Variants in L3MBTL3 observed in about 807,000 individuals in gnomAD.
L3MBTL3 encodes L3MBTL histone methyl-lysine binding protein 3.
Under a neutral mutation model 102.3 loss-of-function variants are expected in L3MBTL3, and 27 were observed. The observed-to-expected ratio is 0.26, with a 90% confidence interval of 0.19 to 0.36. L3MBTL3 has a LOEUF of 0.36. Among genes scored for constraint, L3MBTL3 ranks in the 10% least tolerant of loss-of-function variants. The probability of loss-of-function intolerance (pLI) is 1.00; values close to 1 mark genes in which losing one functional copy is unlikely to be tolerated. For missense variants in L3MBTL3, 798 were observed against 955.3 expected (o/e 0.84, Z 2.17); for synonymous variants, 340 against 320.9 (o/e 1.06, Z -0.64).
At chr6:130,079,349 T>C (rs1783164171) in intron 14 of L3MBTL3, among the ~76,000 whole-genome samples, 2 of 152,220 alleles carry the variant, frequency 1.3e-5, no homozygotes, top group South Asian at 4.1e-4. Flanking sequence ...CCTCTAGTCA[T>C]AGAGCCTTCT....
At chr6:130,044,943 G>A (rs559581279) in intron 3 of L3MBTL3, among the ~76,000 whole-genome samples, 1 of 152,210 alleles carries the variant, frequency 6.6e-6, no homozygotes, top group African/African-American at 2.4e-5. Flanking sequence ...CTATGTTTCA[G>A]TGGGTAGAGG....
At chr6:130,123,106 T>C (rs372767445) in intron 20 of L3MBTL3, among the ~76,000 whole-genome samples, 3 of 152,244 alleles carry the variant, frequency 2.0e-5, no homozygotes, top group African/African-American at 7.2e-5. Flanking sequence ...TATTTAACTT[T>C]CCATTTTATT....
At chr6:130,113,901 T>A (rs1310372454) in intron 19 of L3MBTL3, among the ~76,000 whole-genome samples, 2 of 152,220 alleles carry the variant, frequency 1.3e-5, no homozygotes, top group Non-Finnish European at 2.9e-5. Context: ...TCAAATAGAA[T>A]AAAATCAATT....
Position 130,053,077 on chromosome 6 carries a change from C to G in L3MBTL3, c.582+86C>G, listed in dbSNP as rs1781208795. 19 of 1,059,156 alleles carry G rather than the reference C, an allele frequency of 1.8e-5. No homozygotes were observed. In the Admixed American group the frequency reaches 3.7e-4, roughly 21 times the overall value. 65.6% of individuals were successfully genotyped at this position (1,059,156 alleles called of 1,614,324 possible). On this transcript the variant is annotated intron_variant, in intron 7 of 22. Coordinates refer to ENST00000361794, the MANE Select transcript of L3MBTL3 (RefSeq NM_032438.4). ...GTCACAAGCACTGCTCTGGAGCCCA[C>G]TGAGTTCAAATGTGGGTTCCAGGAC... is the stretch of plus-strand genomic sequence containing the variant.
chr6:130,137,452 T>C (rs560301492), intron 22 of L3MBTL3, among the ~76,000 whole-genome samples: 2 of 152,236 alleles, frequency 1.3e-5, no homozygotes, highest in Non-Finnish European at 2.9e-5. Context: ...CTTGTTTGTA[T>C]GGCCACATGT....
intron 13 of L3MBTL3, among the ~76,000 whole-genome samples, chr6:130,075,225 A>G (rs1562289203): frequency 6.6e-6 from 1 of 152,036 alleles, no homozygotes. Context: ...GTTATTGCTT[A>G]ATTTTTAGAA....
intron 2 of L3MBTL3, among the ~76,000 whole-genome samples, chr6:130,036,323 A>G (rs1780060599): frequency 6.6e-6 from 1 of 152,198 alleles, no homozygotes; most frequent in Non-Finnish European, 1.5e-5. Flanking sequence ...GTAATAATGA[A>G]AGTACCCATA....
rs1788104117 is a variant in L3MBTL3, at chr6:130,139,746, A to G, written c.2336A>G (p.Glu779Gly). Reference sequence around the variant, plus strand: ...GCTGCAGAGAAGAATTCTCACAATGAACTTTGAAGATGGTGAATTCTGAAT... The same window carrying G: ...GCTGCAGAGAAGAATTCTCACAATGGACTTTGAAGATGGTGAATTCTGAAT... ...FKAAEKNSHN[E>G]L The change falls in exon 23 of 23, where the codon GAA (glutamate) becomes GGA (glycine). Residue 779 changes from glutamate (E) to glycine (G), a missense_variant. By Grantham distance (98) the Glu-to-Gly change is moderately conservative (BLOSUM62 -2). This residue lies in a region of L3MBTL3 where 48 missense variants were observed against 107.0 expected (regional missense o/e 0.45). Coordinates refer to ENST00000361794, the MANE Select transcript of L3MBTL3 (RefSeq NM_032438.4). The G allele has an allele frequency of 6.2e-7, 1 of 1,612,898 alleles. No individual in the cohort carries two copies. The highest frequency in any genetic ancestry group is 1.3e-5 in the African/African-American group (1 of 74,914).
chr6:130,032,726 C>T (rs1244682805), intron 2 of L3MBTL3, among the ~76,000 whole-genome samples: 1 of 152,210 alleles, frequency 6.6e-6, no homozygotes, highest in Non-Finnish European at 1.5e-5. Flanking sequence ...CGTGGTGGCT[C>T]ACACCTGTAA....
In L3MBTL3 at chr6:130,034,351, G is replaced by C. The variant is rs548250749; in HGVS notation, c.-15-8334G>C. Among the ~76,000 whole-genome samples, 12 of 152,220 alleles carry C rather than the reference G, an allele frequency of 7.9e-5. No individual in the cohort carries two copies. The South Asian group carries it at 2.3e-3, about 29-fold the overall frequency. On this transcript the variant is annotated intron_variant, in intron 2 of 22. Coordinates refer to ENST00000361794, the MANE Select transcript of L3MBTL3 (RefSeq NM_032438.4). Reference sequence around the variant, plus strand: ...TTCCTTCCGTAAAATTGCTAAAGTAGAATTGGAAAATTTAAATGATCTCTC... The same window carrying C: ...TTCCTTCCGTAAAATTGCTAAAGTACAATTGGAAAATTTAAATGATCTCTC...
chr6:130,077,158 A>G (rs1001366095), intron 13 of L3MBTL3, among the ~76,000 whole-genome samples: 1 of 152,038 alleles, frequency 6.6e-6, no homozygotes, highest in African/African-American at 2.4e-5. Context: ...GATGCTATCT[A>G]TGAATTAACA....
intron 19 of L3MBTL3, among the ~76,000 whole-genome samples, chr6:130,112,328 A>G (rs770384966): frequency 6.6e-6 from 1 of 152,126 alleles, no homozygotes; most frequent in South Asian, 2.1e-4. Flanking sequence ...TCTTCCATGG[A>G]CAGCTATCAG....
At chr6:130,107,118 T>A (rs1171421990) in intron 19 of L3MBTL3, among the ~76,000 whole-genome samples, 1 of 152,180 alleles carries the variant, frequency 6.6e-6, no homozygotes, top group African/African-American at 2.4e-5. Flanking sequence ...CCTAGTGTCA[T>A]GACTTGATAC....
At chr6:130,020,746 A>AT in intron 1 of L3MBTL3, 1 of 140,650 alleles carries the variant, frequency 7.1e-6, no homozygotes, top group Non-Finnish European at 1.5e-5. Flanking sequence ...CTCCCCGCCG[A>AT]TTTTTTGAGG....
chr6:130,084,193 C>T (rs1274854038), intron 15 of L3MBTL3, among the ~76,000 whole-genome samples: 1 of 152,042 alleles, frequency 6.6e-6, no homozygotes, highest in Non-Finnish European at 1.5e-5. Context: ...CTTTCTAACC[C>T]AGGGTCATTG....
chr6:130,038,092 C>T (rs531881871), intron 2 of L3MBTL3, among the ~76,000 whole-genome samples: 1 of 152,078 alleles, frequency 6.6e-6, no homozygotes, highest in Non-Finnish European at 1.5e-5. Flanking sequence ...CATGCTGTCA[C>T]AAATGACAGG....
At chr6:130,083,227 C>T (rs1783477810) in intron 14 of L3MBTL3, among the ~76,000 whole-genome samples, 2 of 151,916 alleles carry the variant, frequency 1.3e-5, no homozygotes, top group Non-Finnish European at 1.5e-5. Context: ...CATTTTTTTG[C>T]ACATTTGTAT....
intron 19 of L3MBTL3, 82 bp from the exon 20 acceptor site, chr6:130,120,797 A>G: frequency 9.9e-7 from 1 of 1,012,508 alleles, no homozygotes; most frequent in South Asian, 1.4e-5. Context: ...AAAATTAGGA[A>G]AAGCACTTGT....
chr6:130,117,061 C>T (rs1388309402), intron 19 of L3MBTL3, among the ~76,000 whole-genome samples: 9 of 139,464 alleles, frequency 6.5e-5, no homozygotes, highest in South Asian at 2.4e-4. Context: ...CATGCTGGTG[C>T]GCTGCACCCA....
Sources: allele counts gnomAD v4.1 joint callset (sites outside exome capture counted in the v4.1 genomes callset), GRCh38; gene constraint gnomAD v4.1.1; regional missense constraint gnomAD v4.1.1; transcripts MANE v1.5; gene names NCBI Gene and HGNC (gene_info 2026-07-23, HGNC 2026-07-21).